The following KCNH8 variants were observed in gnomAD, a reference collection of about 807,000 sequenced individuals.
The protein encoded by KCNH8 is voltage-gated delayed rectifier potassium channel KCNH8.
A neutral mutation model predicts 103.6 loss-of-function variants in KCNH8; 70 were observed. The ratio of observed to expected loss-of-function variants is 0.68; its 90% CI spans 0.56 to 0.82. KCNH8 has a LOEUF of 0.82. Among genes scored for constraint, KCNH8 ranks in the 40% least tolerant of loss-of-function variants. The pLI is 0.00. For synonymous variants in KCNH8, 498 were observed against 489.4 expected, an observed-to-expected ratio of 1.02 and a Z score of -0.23; for missense variants, 1,217 against 1,329.9, an observed-to-expected ratio of 0.92 and a Z score of 1.32.
chr3:19,184,966 A>G (rs2063488794), intron 1 of KCNH8, among the ~76,000 whole-genome samples: 1 of 151,876 alleles, frequency 6.6e-6, no homozygotes, highest in African/African-American at 2.4e-5. Context: ...TTGTTATTTT[A>G]TATTGGCAAA....
At chr3:19,449,028 G>A (rs900143998) in intron 8 of KCNH8, 2 of 1,191,532 alleles carry the variant, frequency 1.7e-6, no homozygotes, top group Non-Finnish European at 1.1e-6. Flanking sequence ...GCAAAATCCT[G>A]TCATACCTTC....
At chr3:19,305,125 G>A (rs982960028) in intron 3 of KCNH8, among the ~76,000 whole-genome samples, 2 of 151,612 alleles carry the variant, frequency 1.3e-5, no homozygotes, top group Non-Finnish European at 2.9e-5. Flanking sequence ...AGTGCTATAC[G>A]AAGGATCAAG....
chr3:19,195,978 A>G (rs903061034), intron 1 of KCNH8, among the ~76,000 whole-genome samples: 8 of 152,080 alleles, frequency 5.3e-5, no homozygotes, highest in South Asian at 4.2e-4. Flanking sequence ...ATATCTGTCT[A>G]TCTACTTCCT....
chr3:19,154,547 G>T (rs903137186), intron 1 of KCNH8, among the ~76,000 whole-genome samples: 1 of 152,138 alleles, frequency 6.6e-6, no homozygotes, highest in Non-Finnish European at 1.5e-5. Flanking sequence ...TTAGACTTGG[G>T]ATGTTTCTTT....
chr3:19,532,540 A>G (rs1233213285), intron 15 of KCNH8, among the ~76,000 whole-genome samples: 1 of 152,204 alleles, frequency 6.6e-6, no homozygotes, highest in Non-Finnish European at 1.5e-5. Context: ...AGAAATGGCA[A>G]GAGTGAGACC....
rs147659356 is a variant in KCNH8 at position 19,226,828 on chromosome 3, A to G, written c.77-26826A>G. The stretch of plus-strand genomic sequence containing the variant: ...CTTCAAGAGCAGGACATATCTTAAA[A>G]TGTTTCCAAAAGATTTTCAATAACA... On this transcript the variant is annotated intron_variant, in intron 1 of 15. Coordinates refer to ENST00000328405, the MANE Select transcript of KCNH8 (RefSeq NM_144633.3). Among the ~76,000 whole-genome samples, 189 of 152,266 alleles carry G rather than the reference A, an allele frequency of 1.2e-3. 3 individuals are homozygous for G. The East Asian group carries it at 0.028, about 22-fold the overall frequency.
chr3:19,513,594 T>C (rs1408889169), intron 13 of KCNH8, among the ~76,000 whole-genome samples: 1 of 152,170 alleles, frequency 6.6e-6, no homozygotes, highest in Admixed American at 6.6e-5. Flanking sequence ...TTATGTTAAA[T>C]GTATATTCCT....
chr3:19,231,424 G>A (rs1384384767), intron 1 of KCNH8, among the ~76,000 whole-genome samples: 5 of 151,854 alleles, frequency 3.3e-5, no homozygotes, highest in African/African-American at 7.3e-5. Context: ...GGTGGTCTTT[G>A]TATAATGGAA....
intron 11 of KCNH8, among the ~76,000 whole-genome samples, chr3:19,467,995 C>T (rs2067778196): frequency 6.6e-6 from 1 of 152,126 alleles, no homozygotes; most frequent in Non-Finnish European, 1.5e-5. Context: ...AGGGCCTTTG[C>T]ATTTGATCTT....
At chr3:19,394,538 T>C (rs17570934) in intron 6 of KCNH8, among the ~76,000 whole-genome samples, 37,448 of 151,908 alleles carry the variant, frequency 0.25, 5,002 homozygotes, top group Middle Eastern at 0.32. Context: ...CCTCTGTCCA[T>C]TGATAACGTT....
At chr3:19,210,204 G>A (rs190146684) in intron 1 of KCNH8, among the ~76,000 whole-genome samples, 3 of 152,134 alleles carry the variant, frequency 2.0e-5, no homozygotes, top group Admixed American at 1.3e-4. Context: ...GAAGAGATTT[G>A]CCATCACATT....
At chr3:19,531,234 T>C (rs1191010385) in intron 15 of KCNH8, among the ~76,000 whole-genome samples, 2 of 152,278 alleles carry the variant, frequency 1.3e-5, no homozygotes, top group African/African-American at 4.8e-5. Context: ...AACCATCTCA[T>C]TTAGTGGCAG....
intron 13 of KCNH8, among the ~76,000 whole-genome samples, chr3:19,514,868 G>T (rs774610234): frequency 6.6e-6 from 1 of 151,802 alleles, no homozygotes; most frequent in Non-Finnish European, 1.5e-5. Flanking sequence ...AAGTAAAAGA[G>T]CCTCTGTCTA....
intron 1 of KCNH8, among the ~76,000 whole-genome samples, chr3:19,205,517 A>T (rs1407630854): frequency 1.3e-5 from 2 of 152,050 alleles, no homozygotes; most frequent in African/African-American, 4.8e-5. Context: ...GAAAACTGAT[A>T]AAACACCACC....
chr3:19,195,037 A>T (rs2063587495), intron 1 of KCNH8, among the ~76,000 whole-genome samples: 1 of 151,912 alleles, frequency 6.6e-6, no homozygotes, highest in African/African-American at 2.4e-5. Context: ...GATAGAAAAA[A>T]ATGATTAATA....
chr3:19,444,765 A>C (rs952588109), intron 8 of KCNH8, among the ~76,000 whole-genome samples: 1 of 151,958 alleles, frequency 6.6e-6, no homozygotes, highest in Non-Finnish European at 1.5e-5. Flanking sequence ...GTCATTAATC[A>C]GTAACATGCA....
chr3:19,425,949 A>G (rs1255677577), intron 7 of KCNH8, among the ~76,000 whole-genome samples: 2 of 152,142 alleles, frequency 1.3e-5, no homozygotes, highest in African/African-American at 4.8e-5. Flanking sequence ...AAGAGAATAG[A>G]AATAGGGCCA....
rs1575183594 is a variant in KCNH8 at position 19,533,676 on chromosome 3, G to A, written c.2901G>A (p.Gly967=). The A allele has an allele frequency of 1.9e-6, 3 of 1,614,042 alleles. No homozygotes were observed. In the South Asian group the frequency reaches 3.3e-5, roughly 18 times the overall value. ...DIWSVDPSSV[G]SSPQRTGAHE... ...GGAGTGTGGATCCCTCCTCTGTGGG[G>A]AGCAGCCCCCAACGAACTGGAGCTC... Residue 967 remains glycine, a synonymous_variant, in exon 16 of 16, where the codon GGG becomes GGA. Coordinates refer to ENST00000328405, the MANE Select transcript of KCNH8 (RefSeq NM_144633.3).
In KCNH8 at chr3:19,352,366, C is replaced by T. The variant is rs1257928361; in HGVS notation, c.811+4401C>T. ...AAGGATATCCAGGAATTGAACTCAG[C>T]TCTGCACCAAGCGGACCTAATAGAC... On this transcript the variant is annotated intron_variant, in intron 5 of 15. Coordinates refer to ENST00000328405, the MANE Select transcript of KCNH8 (RefSeq NM_144633.3). Among the ~76,000 whole-genome samples the T allele has an allele frequency of 2.6e-5, 4 of 152,124 alleles. No homozygotes were observed. In the East Asian group the frequency reaches 5.8e-4, roughly 22 times the overall value.
Sources: gnomAD v4.1 joint callset for allele counts (sites outside exome capture counted in the v4.1 genomes callset) on GRCh38, gnomAD v4.1.1 for gene constraint, MANE v1.5 for transcripts, NCBI Gene and HGNC (gene_info 2026-07-23, HGNC 2026-07-21) for gene names.